Variants in GXYLT1 observed in about 807,000 individuals in gnomAD.
GXYLT1 encodes the protein glucoside xylosyltransferase 1, also known as glycosyltransferase 8 domain containing 3.
Under a neutral mutation model 54.0 loss-of-function variants are expected in GXYLT1, and 29 were observed. The ratio of observed to expected loss-of-function variants is 0.54; its 90% CI spans 0.40 to 0.73. The LOEUF (loss-of-function observed/expected upper bound fraction) is 0.73. Among genes scored for constraint, GXYLT1 ranks in the 30% least tolerant of loss-of-function variants. The probability of loss-of-function intolerance (pLI) is 0.00; values close to 1 mark genes in which losing one functional copy is unlikely to be tolerated. For synonymous variants in GXYLT1, 176 were observed against 204.1 expected (o/e 0.86, Z 1.17); for missense variants, 490 against 553.4 (o/e 0.89, Z 1.15).
chr12:42,102,040 T>C (rs1234744006), intron 5 of GXYLT1, among the ~76,000 whole-genome samples: 1 of 152,204 alleles, frequency 6.6e-6, no homozygotes, highest in African/African-American at 2.4e-5. Context: ...TTTCATAACA[T>C]TTAAAACAGA....
chr12:42,085,350 A>G lies in GXYLT1; in HGVS notation c.*2436T>C, dbSNP rs1324494660. The G allele has an allele frequency of 6.6e-6, 1 of 152,430 alleles. No homozygotes were observed. The highest frequency in any genetic ancestry group is 2.4e-5 in the African/African-American group (1 of 41,610). 9.4% of individuals were successfully genotyped at this position (152,430 alleles called of 1,614,324 possible). On this transcript the variant is annotated 3_prime_UTR_variant, in exon 8 of 8. Coordinates refer to ENST00000398675, the MANE Select transcript of GXYLT1 (RefSeq NM_173601.2). Reference sequence around the variant, plus strand: ...CAACATGAGTGAGACCACAGCATACAGTCCAGTTGGATTAAACTGTGACCA... The same window carrying G: ...CAACATGAGTGAGACCACAGCATACGGTCCAGTTGGATTAAACTGTGACCA...
At position 42,083,323 on chromosome 12, in the gene GXYLT1, C is replaced by T. The variant is rs1448529075; in HGVS notation, c.*4463G>A. 2 of 147,468 alleles carry T rather than the reference C, an allele frequency of 1.4e-5. No homozygotes were observed. Among genetic ancestry groups the T allele is most frequent in the African/African-American group, 5.0e-5 (2 of 39,944 alleles). The allele number at this position is 147,468 out of a possible 1,614,324, so 9.1% of individuals were successfully genotyped here. On this transcript the variant is annotated 3_prime_UTR_variant, in exon 8 of 8. Transcript: ENST00000398675. ...GATTTTAATAGGCAAAAAAGGGTTG[C>T]TTTGGCAATGGATAAAAGAATAACT...
At chr12:42,117,882 A>G (rs1333027683) in intron 3 of GXYLT1, among the ~76,000 whole-genome samples, 2 of 152,220 alleles carry the variant, frequency 1.3e-5, no homozygotes, top group Admixed American at 1.3e-4. Flanking sequence ...CCAATGGGAT[A>G]CTGGCAGAAA....
chr12:42,128,970 C>T (rs922323764), intron 2 of GXYLT1, among the ~76,000 whole-genome samples: 2 of 152,132 alleles, frequency 1.3e-5, no homozygotes, highest in Non-Finnish European at 2.9e-5. Context: ...GCCACCATAC[C>T]CAACCTAGAC....
chr12:42,081,861 G>A lies in GXYLT1; in HGVS notation c.*5925C>T, dbSNP rs1290782079. Reference sequence around the variant, plus strand: ...GACATATAATTTGAGGAAATAAAACGTTTATTGAGTAAATGTTTATTTAGT... The same window carrying A: ...GACATATAATTTGAGGAAATAAAACATTTATTGAGTAAATGTTTATTTAGT... On this transcript the variant is annotated 3_prime_UTR_variant, in exon 8 of 8. Coordinates refer to ENST00000398675, the MANE Select transcript of GXYLT1 (RefSeq NM_173601.2). The A allele has an allele frequency of 2.0e-5, 3 of 152,282 alleles. No individual in the cohort carries two copies. The highest frequency in any genetic ancestry group is 2.1e-4 in the South Asian group (1 of 4,826). 9.4% of individuals were successfully genotyped at this position (152,282 alleles called of 1,614,324 possible).
intron 5 of GXYLT1, among the ~76,000 whole-genome samples, chr12:42,102,437 T>C (rs2065395561): frequency 6.6e-6 from 1 of 152,226 alleles, no homozygotes; most frequent in Non-Finnish European, 1.5e-5. Flanking sequence ...TATTTTTCAA[T>C]TCATTAATGG....
At position 42,086,753 on chromosome 12, in the gene GXYLT1, T is replaced by C. The variant is rs1473529551; in HGVS notation, c.*1033A>G. Reference sequence around the variant, plus strand: ...ATCCACTTAAGTTGTTTAACTTACTTAAAGTAAGGCTCTAGACATTTGCTT... The same window carrying C: ...ATCCACTTAAGTTGTTTAACTTACTCAAAGTAAGGCTCTAGACATTTGCTT... On this transcript the variant is annotated 3_prime_UTR_variant, in exon 8 of 8. Transcript: ENST00000398675. The C allele has an allele frequency of 6.6e-6, 1 of 152,182 alleles. No homozygotes were observed. The highest frequency in any genetic ancestry group is 2.4e-5 in the African/African-American group (1 of 41,436). 9.4% of individuals were successfully genotyped at this position (152,182 alleles called of 1,614,324 possible). A position where few individuals can be genotyped will look rare whatever the true frequency, so the allele number is the denominator to read the frequency against.
intron 1 of GXYLT1, among the ~76,000 whole-genome samples, chr12:42,139,671 T>C (rs546799125): frequency 1.1e-4 from 16 of 152,364 alleles, no homozygotes; most frequent in South Asian, 4.1e-4. Flanking sequence ...TATTTTGTTA[T>C]AGCAGCCCAA....
At chr12:42,137,503 CAAAAAAAAAAAAAA>C (rs34628599) in intron 1 of GXYLT1, among the ~76,000 whole-genome samples, 1 of 71,670 alleles carries the variant, frequency 1.4e-5, no homozygotes. Flanking sequence ...GCATCTGTTT[CAAAAAAAAAAAAAA>C]AAAAAAAAGC....
Position 42,132,447 on chromosome 12 carries a change from A to G in GXYLT1, c.222-2596T>C, listed in dbSNP as rs75736511. Among the ~76,000 whole-genome samples the G allele has an allele frequency of 9.1e-3, 1,379 of 152,346 alleles. 21 individuals carry two copies. The highest frequency in any genetic ancestry group is 0.032 in the African/African-American group (1,326 of 41,578). On this transcript the variant is annotated intron_variant, in intron 1 of 7. Transcript: ENST00000398675. ...AAATTTGTGTTTCTACGAATACTTC[A>G]ATCAATACATTTTATTAAGTACCGT...
At position 42,083,857 on chromosome 12, in the gene GXYLT1, A is replaced by G. The variant is rs2065268882; in HGVS notation, c.*3929T>C. 1 of 151,820 alleles carries G rather than the reference A, an allele frequency of 6.6e-6. No homozygotes were observed. The highest frequency in any genetic ancestry group is 6.6e-5 in the Admixed American group (1 of 15,218). 9.4% of individuals were successfully genotyped at this position (151,820 alleles called of 1,614,324 possible). On this transcript the variant is annotated 3_prime_UTR_variant, in exon 8 of 8. Transcript: ENST00000398675. ...AATGAAGCAGTCCCCTCCACTTCCA[A>G]CCTCCACTGGGGAATATGTAGTTAG... is the stretch of plus-strand genomic sequence containing the variant.
intron 1 of GXYLT1, among the ~76,000 whole-genome samples, chr12:42,131,463 G>A (rs1327895116): frequency 1.3e-5 from 2 of 152,106 alleles, no homozygotes; most frequent in Non-Finnish European, 2.9e-5. Flanking sequence ...CTCTAGAAAC[G>A]GTCTGGCACT....
At chr12:42,136,750 T>TA (rs1565582046) in intron 1 of GXYLT1, among the ~76,000 whole-genome samples, 2 of 29,608 alleles carry the variant, frequency 6.8e-5, no homozygotes, top group Admixed American at 7.8e-4. Context: ...AGGAGGTTTT[T>TA]TATACATACA....
At chr12:42,096,844 G>C (rs906582219) in intron 7 of GXYLT1, among the ~76,000 whole-genome samples, 6 of 152,072 alleles carry the variant, frequency 3.9e-5, no homozygotes, top group African/African-American at 1.4e-4. Context: ...CCAGTGAGGG[G>C]CAGACAAAAG....
At position 42,097,462 on chromosome 12, in the gene GXYLT1, C is replaced by T; in HGVS notation, c.1141G>A (p.Val381Ile). 1 of 1,582,498 alleles carries T rather than the reference C, an allele frequency of 6.3e-7. No individual in the cohort carries two copies. Among genetic ancestry groups the T allele is most frequent in the Non-Finnish European group, 8.5e-7 (1 of 1,172,414 alleles). ...HDDKQPAFRA[V>I]YEALRNCSFE... Reference sequence around the variant, plus strand: ...CTTACATTTCTCAGTGCTTCATAAACAGCTCTAAATGCTGGTTGCTTATCG... The same window carrying T: ...CTTACATTTCTCAGTGCTTCATAAATAGCTCTAAATGCTGGTTGCTTATCG... The change falls in exon 7 of 8, where the codon GTT becomes ATT. Residue 381 changes from valine to isoleucine, a missense_variant. This residue lies in a region of GXYLT1 where 342 missense variants were observed against 342.6 expected (regional missense o/e 1.00). Coordinates refer to ENST00000398675, the MANE Select transcript of GXYLT1 (RefSeq NM_173601.2).
In GXYLT1 at chr12:42,094,936, T is replaced by A. The variant is rs1323273273; in HGVS notation, c.1161+2506A>T. Among the ~76,000 whole-genome samples, 8 of 152,162 alleles carry A rather than the reference T, an allele frequency of 5.3e-5. No homozygotes were observed. The East Asian group carries it at 1.5e-3, about 29-fold the overall frequency. On this transcript the variant is annotated intron_variant, in intron 7 of 7. Coordinates refer to ENST00000398675, the MANE Select transcript of GXYLT1 (RefSeq NM_173601.2). The stretch of plus-strand genomic sequence containing the variant: ...TATTTGAAATGGGTGAACTTTGTGG[T>A]ATATAAATTATGTTTCATTAGTTAT...
rs553450900 is a variant in GXYLT1 at position 42,087,812 on chromosome 12, A to C, written c.1297T>G (p.Tyr433Asp). ...CACTTTTCCTTTGGTGATCTGGCAT[A>C]ACGATCTCTTACACTTTTTGCTAGT... is the stretch of plus-strand genomic sequence containing the variant. ...KQLAKSVRDRYARSPKEK is the reference protein window; with the variant it reads ...KQLAKSVRDRDARSPKEK Residue 433 changes from tyrosine to aspartate, a missense_variant, in exon 8 of 8, where the codon TAT (tyrosine) becomes GAT (aspartate). Physicochemically the swap from Tyr to Asp is radical, Grantham distance 160 (BLOSUM62 -3). Transcript: ENST00000398675. 6.2e-7 allele frequency: 1 copy of C among 1,605,714 alleles called. No individual in the cohort carries two copies. Among genetic ancestry groups the C allele is most frequent in the Admixed American group, 1.7e-5 (1 of 58,736 alleles).
At chr12:42,121,290 G>A (rs2065529604) in intron 2 of GXYLT1, among the ~76,000 whole-genome samples, 1 of 152,182 alleles carries the variant, frequency 6.6e-6, no homozygotes, top group South Asian at 2.1e-4. Flanking sequence ...CTGTTTTGTA[G>A]AGCATCAGCT....
chr12:42,141,655 T>C (rs960936257), intron 1 of GXYLT1, among the ~76,000 whole-genome samples: 1 of 152,156 alleles, frequency 6.6e-6, no homozygotes. Context: ...AAACATATAG[T>C]TTCTATTTAT....
Sources: allele counts gnomAD v4.1 joint callset (sites outside exome capture counted in the v4.1 genomes callset), GRCh38; gene constraint gnomAD v4.1.1; regional missense constraint gnomAD v4.1.1; transcripts MANE v1.5; gene names NCBI Gene and HGNC (gene_info 2026-07-23, HGNC 2026-07-21).